Variants in PRX observed in about 807,000 individuals in gnomAD.
PRX encodes the protein periaxin.
Under a neutral mutation model 29.6 loss-of-function variants are expected in PRX, and 24 were observed. The ratio of observed to expected loss-of-function variants is 0.81; its 90% CI spans 0.59 to 1.14. The LOEUF is 1.14. Among genes scored for constraint, PRX ranks in the 50% most tolerant of loss-of-function variants. PRX has a pLI of 0.00. For missense variants in PRX, 1,838 were observed against 1,926.4 expected, an observed-to-expected ratio of 0.95 and a Z score of 0.86; for synonymous variants, 772 against 831.7, an observed-to-expected ratio of 0.93 and a Z score of 1.24.
intron 4 of PRX, among the ~76,000 whole-genome samples, chr19:40,405,422 C>T (rs2079524154): frequency 6.6e-6 from 1 of 152,070 alleles, no homozygotes; most frequent in African/African-American, 2.4e-5. Context: ...CTGGGGCCAG[C>T]ACGGACTGGA....
At chr19:40,412,175 C>T (rs111661603) in intron 1 of PRX, among the ~76,000 whole-genome samples, 3 of 152,350 alleles carry the variant, frequency 2.0e-5, no homozygotes, top group Admixed American at 1.3e-4. Context: ...CTCAGCTTTC[C>T]CCCGCCACCA....
At chr19:40,412,212 C>G (rs1010023656) in intron 1 of PRX, among the ~76,000 whole-genome samples, 29 of 152,138 alleles carry the variant, frequency 1.9e-4, no homozygotes, top group Admixed American at 1.7e-3. Flanking sequence ...CAATGGGGGT[C>G]AGGGGTTGGG....
rs868754746 is a variant in PRX, at chr19:40,406,978, T to C, written c.27+928A>G. Among the ~76,000 whole-genome samples, 7 of 151,978 alleles carry C rather than the reference T, an allele frequency of 4.6e-5. No individual in the cohort carries two copies. The South Asian group carries it at 1.5e-3, about 31-fold the overall frequency. ...TAGCAGAGATGGGGTTTCACCGTAT[T>C]GGCCAGGCTGGTCCCGAACTCCTAA... On this transcript the variant is annotated intron_variant, in intron 4 of 6. Transcript: ENST00000324001.
At chr19:40,401,843 C>G (rs1459495250) in intron 5 of PRX, among the ~76,000 whole-genome samples, 1 of 150,506 alleles carries the variant, frequency 6.6e-6, no homozygotes, top group Non-Finnish European at 1.5e-5. Context: ...ACTCGGCTTA[C>G]TGCAACCTTA....
In PRX at chr19:40,407,950, C is replaced by T. The variant is rs1310758513; in HGVS notation, c.-18G>A. 3 of 1,613,618 alleles carry T rather than the reference C, an allele frequency of 1.9e-6. No individual in the cohort carries two copies. Among genetic ancestry groups the T allele is most frequent in the East Asian group, 4.5e-5 (2 of 44,888 alleles). ...GCCTCCATGGCGTTGCTGGGAGGCA[C>T]CTGCACCCCAGGCTCCTGTGTCCTC... On this transcript the variant is annotated 5_prime_UTR_variant, in exon 4 of 7. It adds an upstream start codon to the 5' untranslated region. Transcript: ENST00000324001.
chr19:40,398,489 G>T lies in PRX; in HGVS notation c.381+131C>A, dbSNP rs1048037799. ...TTGGGGCAGAGAGGAAGGGGCAGAG[G>T]GTGGAATTAGCTTGGGTTAGTGACA... On this transcript the variant is annotated intron_variant, in intron 6 of 6. Coordinates refer to ENST00000324001, the MANE Select transcript of PRX (RefSeq NM_181882.3). This position sits in a 1 kb window ranked among gnomAD's most constrained non-coding sequence, Gnocchi z 6.3. 12 of 1,551,044 alleles carry T rather than the reference G, an allele frequency of 7.7e-6. No individual in the cohort carries two copies. The African/African-American group carries it at 1.1e-4, about 14-fold the overall frequency.
Position 40,394,807 on chromosome 19 carries a change from C to T in PRX, c.3545G>A (p.Gly1182Asp), listed in dbSNP as rs780600357. 6.8e-6 allele frequency: 11 copies of T among 1,613,562 alleles called. No homozygotes were observed. The highest frequency in any genetic ancestry group is 1.1e-5 in the South Asian group (1 of 91,080). The change falls in exon 7 of 7, where the codon GGC becomes GAC. Residue 1182 changes from glycine to aspartate, a missense_variant. Around this residue, in one of 3 missense-constraint regions of PRX, gnomAD observed 1,143 missense variants for 1,193.0 expected, o/e 0.96. Transcript: ENST00000324001. This position sits in a 1 kb window ranked among gnomAD's most constrained non-coding sequence, Gnocchi z 5.8. The stretch of plus-strand genomic sequence containing the variant: ...CACCTGGGGCACCTGAACCCTGTAG[C>T]CTGCTGTGCCCTCTGCTGAAGGGAC... ...STVPSAEGTA[G>D]YRVQVPQVTL...
In PRX at chr19:40,398,700, G is replaced by T; in HGVS notation, c.301C>A (p.Pro101Thr). 6.2e-7 allele frequency: 1 copy of T among 1,614,036 alleles called. No homozygotes were observed. The highest frequency in any genetic ancestry group is 8.5e-7 in the Non-Finnish European group (1 of 1,179,948). The change falls in exon 6 of 7, where the codon CCC (proline) becomes ACC (threonine). Residue 101 changes from proline to threonine, a missense_variant. Physicochemically the swap from Pro to Thr is conservative, Grantham distance 38 (BLOSUM62 -1). Transcript: ENST00000324001. The surrounding 1 kb of genome is among the most constrained non-coding windows in gnomAD (Gnocchi z 6.3). The part of the protein sequence containing the change: ...KVSFCLKRTV[P>T]TGDLALRPGT... ...GGCCGCAGAGCCAGGTCCCCGGTGGGCACAGTGCGCTTCAGGCAGAAGGAG... is the reference window on the plus strand; with the variant it reads ...GGCCGCAGAGCCAGGTCCCCGGTGGTCACAGTGCGCTTCAGGCAGAAGGAG...
chr19:40,397,036 C>A lies in PRX; in HGVS notation c.1316G>T (p.Gly439Val), dbSNP rs1370908222. Residue 439 changes from glycine to valine, a missense_variant, in exon 7 of 7, where the codon GGA becomes GTA. Coordinates refer to ENST00000324001, the MANE Select transcript of PRX (RefSeq NM_181882.3). ...AGCCTTGGGGAGCTTCACTTCAGGT[C>A]CCTTGGGCACCTTGACCTCGGGCCC... is the stretch of plus-strand genomic sequence containing the variant. The part of the protein sequence containing the change: ...VSGPEVKVPK[G>V]PEVKLPKAPE... 6.2e-7 allele frequency: 1 copy of A among 1,614,100 alleles called. No homozygotes were observed. The highest frequency in any genetic ancestry group is 8.5e-7 in the Non-Finnish European group (1 of 1,180,044).
intron 4 of PRX, among the ~76,000 whole-genome samples, chr19:40,405,629 T>C (rs1388926118): frequency 4.1e-5 from 1 of 24,568 alleles, no homozygotes; most frequent in South Asian, 1.1e-3. Context: ...AGAATCTCTT[T>C]TTTTTTTTTT....
chr19:40,405,576 C>T (rs1020855997), intron 4 of PRX, among the ~76,000 whole-genome samples: 6 of 150,810 alleles, frequency 4.0e-5, no homozygotes, highest in Non-Finnish European at 7.4e-5. Context: ...CCACCAGTAC[C>T]GCCCTTTGGC....
Position 40,394,637 on chromosome 19 carries a change from C to T in PRX, c.3715G>A (p.Gly1239Ser). 6.2e-7 allele frequency: 1 copy of T among 1,607,532 alleles called. No individual in the cohort carries two copies. Among genetic ancestry groups the T allele is most frequent in the Non-Finnish European group, 8.5e-7 (1 of 1,179,766 alleles). ...AACTTCAGCCTCAGCCCACCCTCGC[C>T]TGTGGCCGCCTCGCCCGCCTGTGCC... ...REAQAGEAAT[G>S]EGGLRLKLPT... Residue 1239 changes from glycine (G) to serine (S), a missense_variant, in exon 7 of 7, where the codon GGC (glycine) becomes AGC (serine). This residue lies in a region of PRX where 1,143 missense variants were observed against 1,193.0 expected (regional missense o/e 0.96). Coordinates refer to ENST00000324001, the MANE Select transcript of PRX (RefSeq NM_181882.3). This position sits in a 1 kb window ranked among gnomAD's most constrained non-coding sequence, Gnocchi z 5.8.
intron 1 of PRX, among the ~76,000 whole-genome samples, chr19:40,410,646 G>A (rs1244949533): frequency 1.3e-5 from 2 of 152,218 alleles, no homozygotes; most frequent in Non-Finnish European, 2.9e-5. Context: ...GCCGAGGTGG[G>A]TGGATCACGA....
At chr19:40,403,679 C>A (rs1338858738) in intron 5 of PRX, 27 bp downstream of exon 5, 1 of 1,533,624 alleles carries the variant, frequency 6.5e-7, no homozygotes, top group African/African-American at 1.4e-5. Flanking sequence ...GCAGTTCGAC[C>A]CCGCCCCACA....
intron 1 of PRX, among the ~76,000 whole-genome samples, chr19:40,411,206 G>A (rs969373202): frequency 5.3e-5 from 8 of 152,192 alleles, no homozygotes; most frequent in African/African-American, 1.9e-4. Context: ...GGCAGGAGCT[G>A]GGTTGGGCAG....
chr19:40,414,636 A>AAGCTACCAG (rs963469897), upstream of PRX, among the ~76,000 whole-genome samples: 51 of 152,212 alleles, frequency 3.4e-4, no homozygotes, highest in African/African-American at 1.2e-3. Flanking sequence ...TCCCAAGCCA[A>AAGCTACCAG]AGCTACCAGG....
intron 4 of PRX, among the ~76,000 whole-genome samples, chr19:40,404,191 C>G (rs1212989757): frequency 6.6e-6 from 1 of 152,224 alleles, no homozygotes; most frequent in African/African-American, 2.4e-5. Context: ...CCGGCGTCTC[C>G]CCTTTAAGCA....
chr19:40,399,475 C>G (rs2079473117), intron 5 of PRX, among the ~76,000 whole-genome samples: 1 of 152,144 alleles, frequency 6.6e-6, no homozygotes, highest in South Asian at 2.1e-4. Context: ...CACCTCTGAC[C>G]CTGCTTTCCA....
chr19:40,396,564 AGGAAGTTTCATCTCAGGCACCTTT>A lies in PRX; in HGVS notation c.1764_1787del (p.Lys589_Pro596del). The A allele has an allele frequency of 6.2e-7, 1 of 1,612,088 alleles. No homozygotes were observed. The stretch of plus-strand genomic sequence containing the variant: ...GTTGCACTTCAGGGAGTTTCATCTC[AGGAAGTTTCATCTCAGGCACCTTT>A]GGAAGCTTCATCTCAGGGACTTTCA... On this transcript the variant is annotated inframe_deletion, in exon 7 of 7. Transcript: ENST00000324001.
Sources: gnomAD v4.1 joint callset for allele counts (sites outside exome capture counted in the v4.1 genomes callset) on GRCh38, gnomAD v4.1.1 for gene constraint, gnomAD v4.1.1 regional missense constraint, Gnocchi (gnomAD v3.1) non-coding constraint, MANE v1.5 for transcripts, NCBI Gene and HGNC (gene_info 2026-07-23, HGNC 2026-07-21) for gene names.